Variants in C1orf185 observed in about 807,000 individuals in gnomAD.
C1orf185 encodes the protein chromosome 1 open reading frame 185.
Under a neutral mutation model 16.1 loss-of-function variants are expected in C1orf185, and 13 were observed. The observed-to-expected ratio is 0.81, with a 90% CI of 0.53 to 1.28. The LOEUF is 1.28. Ranked by LOEUF, C1orf185 falls within the 50% of genes most tolerant of loss-of-function variation. The pLI is 0.00. For missense variants in C1orf185, 220 were observed against 225.2 expected, an observed-to-expected ratio of 0.98 and a Z score of 0.15; for synonymous variants, 80 against 76.9, an observed-to-expected ratio of 1.04 and a Z score of -0.21.
chr1:51,116,505 G>T (rs1322280619), intron 2 of C1orf185, among the ~76,000 whole-genome samples: 1 of 151,892 alleles, frequency 6.6e-6, no homozygotes, highest in East Asian at 1.9e-4. Context: ...GTAGAGACAG[G>T]GTTTTGCTAT....
At chr1:51,113,595 G>A (rs925592650) in intron 2 of C1orf185, among the ~76,000 whole-genome samples, 1 of 152,136 alleles carries the variant, frequency 6.6e-6, no homozygotes, top group Admixed American at 6.5e-5. Context: ...TAAGACAGGA[G>A]AATCGCTTGA....
chr1:51,116,157 C>T (rs1646155996), intron 2 of C1orf185, among the ~76,000 whole-genome samples: 1 of 151,886 alleles, frequency 6.6e-6, no homozygotes, highest in African/African-American at 2.4e-5. Flanking sequence ...TCTCCTTTAC[C>T]ACTGCCACCA....
chr1:51,137,338 G>C (rs557206208), intron 3 of C1orf185, among the ~76,000 whole-genome samples: 1 of 152,028 alleles, frequency 6.6e-6, no homozygotes, highest in East Asian at 1.9e-4. Flanking sequence ...TTAGAGACCA[G>C]TCTGGCCAAC....
At chr1:51,110,790 A>C (rs1379132585) in intron 1 of C1orf185, among the ~76,000 whole-genome samples, 1 of 151,996 alleles carries the variant, frequency 6.6e-6, no homozygotes, top group Non-Finnish European at 1.5e-5. Flanking sequence ...CCAACATGGT[A>C]AAACCCCGTG....
chr1:51,139,557 C>T (rs2148030631), intron 3 of C1orf185, among the ~76,000 whole-genome samples: 1 of 152,238 alleles, frequency 6.6e-6, no homozygotes, highest in Middle Eastern at 3.4e-3. Context: ...GTCTGTTAGG[C>T]TCAAATAGTC....
intron 2 of C1orf185, among the ~76,000 whole-genome samples, chr1:51,114,860 A>G (rs1164513406): frequency 6.6e-6 from 1 of 152,218 alleles, no homozygotes; most frequent in Non-Finnish European, 1.5e-5. Context: ...ATATACACCT[A>G]TGTAACCACC....
At chr1:51,137,379 C>T (rs1017202515) in intron 3 of C1orf185, among the ~76,000 whole-genome samples, 3 of 151,780 alleles carry the variant, frequency 2.0e-5, no homozygotes, top group Non-Finnish European at 1.5e-5. Context: ...CTAAAAAATA[C>T]AAAAATTAGC....
At chr1:51,122,563 C>T (rs1646205726) in intron 3 of C1orf185, among the ~76,000 whole-genome samples, 2 of 152,226 alleles carry the variant, frequency 1.3e-5, no homozygotes, top group African/African-American at 4.8e-5. Context: ...CAGAGAGGTG[C>T]ATATGCTACT....
chr1:51,105,211 C>G (rs191438104), intron 1 of C1orf185, among the ~76,000 whole-genome samples: 1 of 152,080 alleles, frequency 6.6e-6, no homozygotes, highest in East Asian at 1.9e-4. Context: ...AGATGATCTG[C>G]CTGCCTCGGC....
At chr1:51,124,654 G>T (rs1047990953) in intron 3 of C1orf185, among the ~76,000 whole-genome samples, 1 of 152,224 alleles carries the variant, frequency 6.6e-6, no homozygotes, top group Admixed American at 6.5e-5. Context: ...AATGCAAATG[G>T]AGGAATGGAT....
At chr1:51,118,599 A>G in intron 2 of C1orf185, 67 bp from the exon 3 acceptor site, 1 of 960,658 alleles carries the variant, frequency 1.0e-6, no homozygotes. Context: ...AATATTGGAA[A>G]TAATGATTTT....
chr1:51,106,209 A>G (rs1557641511), intron 1 of C1orf185, among the ~76,000 whole-genome samples: 1 of 152,132 alleles, frequency 6.6e-6, no homozygotes, highest in Admixed American at 6.5e-5. Flanking sequence ...ATATATGAAA[A>G]TTTAAAAAAA....
At chr1:51,110,979 A>AAAAAC (rs1038491993) in intron 1 of C1orf185, among the ~76,000 whole-genome samples, 11 of 152,174 alleles carry the variant, frequency 7.2e-5, no homozygotes, top group Middle Eastern at 3.4e-3. Flanking sequence ...AAACAAAAAC[A>AAAAAC]AAAACAAAAC....
chr1:51,117,889 T>C (rs760289129), intron 2 of C1orf185, among the ~76,000 whole-genome samples: 4 of 152,132 alleles, frequency 2.6e-5, no homozygotes, highest in African/African-American at 4.8e-5. Flanking sequence ...TACTCTTCCA[T>C]TGTGAGTCAA....
At chr1:51,120,061 G>C (rs191518817) in intron 3 of C1orf185, among the ~76,000 whole-genome samples, 1 of 152,082 alleles carries the variant, frequency 6.6e-6, no homozygotes, top group South Asian at 2.1e-4. Flanking sequence ...GAAGTTTGTC[G>C]GGAAGAAAGA....
downstream of C1orf185, among the ~76,000 whole-genome samples, chr1:51,149,513 G>T (rs780373984): frequency 7.2e-5 from 11 of 152,068 alleles, no homozygotes; most frequent in Admixed American, 2.0e-4. Context: ...AATTTTAATT[G>T]GCCTCTGTCT....
intron 3 of C1orf185, among the ~76,000 whole-genome samples, chr1:51,138,456 AATCT>A (rs1646341963): frequency 6.6e-6 from 1 of 151,978 alleles, no homozygotes; most frequent in African/African-American, 2.4e-5. Context: ...GCAGTGGCAC[AATCT>A]CGGCTCACTG....
chr1:51,113,669 G>T (rs1394532042), intron 2 of C1orf185, among the ~76,000 whole-genome samples: 1 of 152,146 alleles, frequency 6.6e-6, no homozygotes. Context: ...TGGGTGAAAA[G>T]AGTGAAACTC....
intron 2 of C1orf185, among the ~76,000 whole-genome samples, chr1:51,115,067 G>A (rs1219956917): frequency 1.3e-5 from 2 of 151,894 alleles, no homozygotes; most frequent in African/African-American, 2.4e-5. Flanking sequence ...TTTTGAGGCC[G>A]GGCGCAGTGG....
Sources: allele counts gnomAD v4.1 joint callset (sites outside exome capture counted in the v4.1 genomes callset), GRCh38; gene constraint gnomAD v4.1.1; transcripts MANE v1.5; gene names NCBI Gene and HGNC (gene_info 2026-07-23, HGNC 2026-07-21).